Variants in NPLOC4 observed in about 807,000 individuals in gnomAD.
NPLOC4 encodes the protein NPL4 homolog, ubiquitin recognition factor.
NPLOC4 carries 18 observed loss-of-function variants against 80.6 expected under a neutral mutation model. The observed-to-expected ratio is 0.22, with a 90% CI of 0.15 to 0.33. The LOEUF is 0.33. Ranked by LOEUF, NPLOC4 falls within the 10% of genes least tolerant of loss-of-function variation. The probability of loss-of-function intolerance (pLI) is 1.00; values close to 1 mark genes in which losing one functional copy is unlikely to be tolerated. For missense variants in NPLOC4, 540 were observed against 786.1 expected (o/e 0.69, Z 3.74); for synonymous variants, 313 against 301.5 (o/e 1.04, Z -0.39).
chr17:81,575,192 C>T (rs533901661), intron 12 of NPLOC4, among the ~76,000 whole-genome samples: 20 of 152,290 alleles, frequency 1.3e-4, no homozygotes, highest in South Asian at 6.2e-4. Flanking sequence ...CTCCGCCTCC[C>T]GGGTTCAAGC....
At chr17:81,560,821 C>T (rs1392381302) in intron 16 of NPLOC4, 1 of 152,250 alleles carries the variant, frequency 6.6e-6, no homozygotes, top group Non-Finnish European at 1.5e-5. Context: ...TTTTGCCTCC[C>T]ACTCGCAAGG....
chr17:81,563,680 C>T, intron 16 of NPLOC4: 1 of 289,804 alleles, frequency 3.5e-6, no homozygotes, highest in African/African-American at 2.3e-5. Flanking sequence ...CTTTGTGAGG[C>T]TGAGGTGCAA....
chr17:81,614,342 A>G (rs1358142215), intron 3 of NPLOC4: 1 of 150,422 alleles, frequency 6.6e-6, no homozygotes, highest in African/African-American at 2.5e-5. Context: ...AACCCCTCAT[A>G]AAATCCTCCA....
At chr17:81,631,065 C>T (rs1370927224) in intron 1 of NPLOC4, among the ~76,000 whole-genome samples, 4 of 151,284 alleles carry the variant, frequency 2.6e-5, no homozygotes, top group South Asian at 2.1e-4. Flanking sequence ...CCCAGCTACC[C>T]GGGAGGCTGA....
chr17:81,589,038 C>A lies in NPLOC4; in HGVS notation c.1187G>T (p.Arg396Leu). 1.9e-6 allele frequency: 3 copies of A among 1,613,980 alleles called. No homozygotes were observed. The highest frequency in any genetic ancestry group is 1.3e-5 in the African/African-American group (1 of 75,038). ...CTTGCATGGCAGCAAACACTCATCA[C>A]GGACCAGTGCCATACACTGATTGGA... ...QVSNQCMALV[R>L]DECLLPCKDA... is the part of the protein sequence containing the mutation. The change falls in exon 12 of 17, where the codon CGT becomes CTT. Residue 396 changes from arginine to leucine, a missense_variant. By Grantham distance (102) the Arg-to-Leu change is moderately radical (BLOSUM62 -2). This residue lies in a region of NPLOC4 where 251 missense variants were observed against 377.5 expected (regional missense o/e 0.66). Coordinates refer to ENST00000331134, the MANE Select transcript of NPLOC4 (RefSeq NM_017921.4).
At chr17:81,632,667 G>A (rs147371911) in intron 1 of NPLOC4, among the ~76,000 whole-genome samples, 3 of 152,150 alleles carry the variant, frequency 2.0e-5, no homozygotes, top group Non-Finnish European at 2.9e-5. Flanking sequence ...AGGTTACCAC[G>A]AGTGTTACAT....
intron 3 of NPLOC4, among the ~76,000 whole-genome samples, chr17:81,618,775 G>A (rs979916332): frequency 5.9e-5 from 9 of 151,978 alleles, no homozygotes; most frequent in Non-Finnish European, 1.3e-4. Flanking sequence ...GGGGAAAGGT[G>A]GGGAAAAGAT....
intron 12 of NPLOC4, among the ~76,000 whole-genome samples, chr17:81,582,243 G>A (rs879698858): frequency 2.6e-5 from 4 of 152,246 alleles, no homozygotes; most frequent in Non-Finnish European, 5.9e-5. Flanking sequence ...GCGAGCTGTG[G>A]CATGACGGGC....
At chr17:81,595,453 C>CTTT (rs111441266) in intron 11 of NPLOC4, among the ~76,000 whole-genome samples, 10 of 132,624 alleles carry the variant, frequency 7.5e-5, no homozygotes, top group African/African-American at 1.4e-4. Flanking sequence ...ACCCGTTTTG[C>CTTT]TTTTTTTTTT....
chr17:81,624,779 G>C (rs932249731), intron 2 of NPLOC4, among the ~76,000 whole-genome samples: 2 of 152,174 alleles, frequency 1.3e-5, no homozygotes, highest in African/African-American at 4.8e-5. Flanking sequence ...CCCAGCGGTG[G>C]GTAAGCCCGC....
chr17:81,586,027 G>GT (rs1305461308), intron 12 of NPLOC4, among the ~76,000 whole-genome samples: 1 of 151,890 alleles, frequency 6.6e-6, no homozygotes. Flanking sequence ...TCTCATGCAT[G>GT]TAATCCCAGC....
intron 3 of NPLOC4, among the ~76,000 whole-genome samples, chr17:81,619,410 G>A (rs532439932): frequency 7.3e-5 from 11 of 151,168 alleles, no homozygotes; most frequent in Admixed American, 2.0e-4. Context: ...TTAGCCGGGC[G>A]TGGTGGCACA....
In NPLOC4 at chr17:81,596,262, C is replaced by A; in HGVS notation, c.994-20G>T. On this transcript the variant is annotated intron_variant, in intron 10 of 16. Coordinates refer to ENST00000331134, the MANE Select transcript of NPLOC4 (RefSeq NM_017921.4). Reference sequence around the variant, plus strand: ...GGTGTCCTAAGACAAGAGAAGCAGCCTATCAAATTTTACAGCATCATGCCA... The same window carrying A: ...GGTGTCCTAAGACAAGAGAAGCAGCATATCAAATTTTACAGCATCATGCCA... The A allele has an allele frequency of 6.3e-7, 1 of 1,592,044 alleles. No homozygotes were observed. Among genetic ancestry groups the A allele is most frequent in the Non-Finnish European group, 8.6e-7 (1 of 1,166,348 alleles).
chr17:81,616,333 A>AAAAAAAAAAAAAAC (rs780878214), intron 3 of NPLOC4, among the ~76,000 whole-genome samples: 2 of 115,634 alleles, frequency 1.7e-5, no homozygotes, highest in Non-Finnish European at 3.4e-5. Flanking sequence ...AAAAAAAAAA[A>AAAAAAAAAAAAAAC]AAAAAGAAAA....
At chr17:81,636,890 C>G (rs2036094616) in intron 1 of NPLOC4, 26 bp downstream of exon 1, 2 of 1,407,548 alleles carry the variant, frequency 1.4e-6, no homozygotes, top group South Asian at 1.5e-5. Flanking sequence ...CCGGCGTCCC[C>G]GCTCCCGCCC....
chr17:81,614,661 G>C (rs184824512), intron 3 of NPLOC4, among the ~76,000 whole-genome samples: 16 of 152,304 alleles, frequency 1.1e-4, no homozygotes, highest in African/African-American at 3.8e-4. Flanking sequence ...AGTCTGAAGT[G>C]TGTTCTTCCC....
intron 12 of NPLOC4, among the ~76,000 whole-genome samples, chr17:81,581,348 C>CA (rs1169351301): frequency 0.012 from 104 of 8,458 alleles, 13 homozygotes; most frequent in East Asian, 0.046. Flanking sequence ...GACTCCAACG[C>CA]AAAAAAAAAA....
chr17:81,591,218 T>C (rs2034728443), intron 11 of NPLOC4, among the ~76,000 whole-genome samples: 1 of 152,020 alleles, frequency 6.6e-6, no homozygotes, highest in Non-Finnish European at 1.5e-5. Flanking sequence ...GCAGATCACC[T>C]GAGGTCAGGA....
At chr17:81,561,153 T>A (rs1467789591) in intron 16 of NPLOC4, among the ~76,000 whole-genome samples, 2 of 152,148 alleles carry the variant, frequency 1.3e-5, no homozygotes, top group African/African-American at 4.8e-5. Context: ...GAGATGGGTT[T>A]TCACCATGTT....
Sources: gnomAD v4.1 joint callset for allele counts (sites outside exome capture counted in the v4.1 genomes callset) on GRCh38, gnomAD v4.1.1 for gene constraint, gnomAD v4.1.1 regional missense constraint, MANE v1.5 for transcripts, NCBI Gene and HGNC (gene_info 2026-07-23, HGNC 2026-07-21) for gene names.